The following NBAS variants were observed in gnomAD, a reference collection of about 807,000 sequenced individuals.
NBAS encodes the protein NBAS subunit of NRZ tethering complex, also known as NAG/BC035112 fusion.
NBAS carries 219 observed loss-of-function variants against 302.5 expected under a neutral mutation model. The observed-to-expected ratio is 0.72, with a 90% CI of 0.65 to 0.81. The LOEUF is 0.81. Among genes scored for constraint, NBAS ranks in the 30% least tolerant of loss-of-function variants. The pLI, the probability that NBAS is intolerant of heterozygous loss-of-function variation, is 0.00. For synonymous variants in NBAS, 1,118 were observed against 1,021.6 expected (o/e 1.09, Z -1.80); for missense variants, 2,932 against 2,841.6 (o/e 1.03, Z -0.72).
intron 35 of NBAS, among the ~76,000 whole-genome samples, chr2:15,338,710 C>CACACACACACACACACACAT (rs1454097551): frequency 6.7e-6 from 1 of 148,746 alleles, no homozygotes; most frequent in Non-Finnish European, 1.5e-5. Context: ...CACACACACA[C>CACACACACACACACACACAT]ATCAAATTAG....
chr2:15,258,569 G>A (rs910153541), intron 44 of NBAS, among the ~76,000 whole-genome samples: 23 of 152,184 alleles, frequency 1.5e-4, no homozygotes, highest in African/African-American at 5.1e-4. Context: ...TGTCCTACGC[G>A]GTTGAGATAA....
the NBAS span, among the ~76,000 whole-genome samples, chr2:14,885,460 T>C: frequency 6.6e-6 from 1 of 152,094 alleles, no homozygotes; most frequent in Admixed American, 6.5e-5. Context: ...GCATCAACAC[T>C]CCATTCTGAT....
intron 41 of NBAS, among the ~76,000 whole-genome samples, chr2:15,289,017 C>T (rs544166513): frequency 1.3e-5 from 2 of 152,306 alleles, no homozygotes; most frequent in Admixed American, 6.5e-5. Context: ...GAGACCAAGG[C>T]TGGATTGACT....
chr2:15,330,422 A>G (rs377471792), intron 36 of NBAS, among the ~76,000 whole-genome samples, 176 bp downstream of exon 36: 1 of 152,224 alleles, frequency 6.6e-6, no homozygotes. Flanking sequence ...CCATGGGAAT[A>G]TATTACATTC....
chr2:14,898,560 G>A, the NBAS span, among the ~76,000 whole-genome samples: 3,669 of 152,276 alleles, frequency 0.024, 147 homozygotes, highest in African/African-American at 0.084. Context: ...ATTCCCACAT[G>A]TTGTGGGAGG....
At chr2:14,959,180 C>A in the NBAS span, among the ~76,000 whole-genome samples, 2 of 152,158 alleles carry the variant, frequency 1.3e-5, no homozygotes, top group Non-Finnish European at 2.9e-5. Flanking sequence ...TGAAACTGTT[C>A]CCTCATCTGC....
At chr2:15,493,776 T>C (rs1425593043) in intron 11 of NBAS, among the ~76,000 whole-genome samples, 1 of 152,078 alleles carries the variant, frequency 6.6e-6, no homozygotes, top group Non-Finnish European at 1.5e-5. Flanking sequence ...TCTTCTTTAT[T>C]TGAATTAAGC....
chr2:15,261,659 A>G (rs980013101), intron 44 of NBAS, among the ~76,000 whole-genome samples: 1 of 152,188 alleles, frequency 6.6e-6, no homozygotes, highest in Admixed American at 6.5e-5. Context: ...GATACAAGCT[A>G]ATACATTCCT....
chr2:15,380,797 A>AT (rs1674997727), intron 29 of NBAS, among the ~76,000 whole-genome samples: 2 of 152,190 alleles, frequency 1.3e-5, no homozygotes, highest in Non-Finnish European at 2.9e-5. Flanking sequence ...GAAATAAGAG[A>AT]TTTTTAAAAA....
the NBAS span, among the ~76,000 whole-genome samples, chr2:14,867,611 G>A: frequency 6.6e-6 from 1 of 152,178 alleles, no homozygotes; most frequent in South Asian, 2.1e-4. Flanking sequence ...AAAAGTGGAT[G>A]AATGTAAGGA....
chr2:14,943,552 A>G, the NBAS span, among the ~76,000 whole-genome samples: 1 of 152,238 alleles, frequency 6.6e-6, no homozygotes, highest in Non-Finnish European at 1.5e-5. Context: ...TACATTATTA[A>G]TGCATCACCT....
rs1456226215 is a variant in NBAS at position 15,467,817 on chromosome 2, A to G, written c.1878-13T>C. ...AGGTAATGTAAATCTGCAAGTATAA[A>G]AGAACAAATATATTTTCATCATTTT... On this transcript the variant is annotated splice_polypyrimidine_tract_variant and intron_variant, in intron 17 of 51. Coordinates refer to ENST00000281513, the MANE Select transcript of NBAS (RefSeq NM_015909.4). 5 of 1,561,842 alleles carry G rather than the reference A, an allele frequency of 3.2e-6. No homozygotes were observed. The African/African-American group carries it at 6.8e-5, about 21-fold the overall frequency.
intron 21 of NBAS, among the ~76,000 whole-genome samples, chr2:15,438,598 A>C (rs1376291890): frequency 2.0e-5 from 3 of 152,250 alleles, no homozygotes; most frequent in Non-Finnish European, 4.4e-5. Flanking sequence ...AAGTGAGCCC[A>C]GCAGCGCCCT....
At chr2:14,993,389 G>A in the NBAS span, among the ~76,000 whole-genome samples, 1 of 152,082 alleles carries the variant, frequency 6.6e-6, no homozygotes, top group African/African-American at 2.4e-5. Context: ...AAAACCTGCT[G>A]ATTTACCTTT....
the NBAS span, among the ~76,000 whole-genome samples, chr2:14,901,443 A>ATT: frequency 4.6e-5 from 7 of 150,568 alleles, no homozygotes; most frequent in Non-Finnish European, 8.9e-5. Context: ...GTAATTTTAA[A>ATT]AAAAAAAATC....
the NBAS span, among the ~76,000 whole-genome samples, chr2:14,868,319 T>C: frequency 6.6e-6 from 1 of 152,238 alleles, no homozygotes; most frequent in Admixed American, 6.5e-5. Context: ...AGGTATTTCT[T>C]ATTATGTTTC....
chr2:14,804,047 A>C, the NBAS span, among the ~76,000 whole-genome samples: 1 of 152,204 alleles, frequency 6.6e-6, no homozygotes, highest in Non-Finnish European at 1.5e-5. Flanking sequence ...ATATAAAGTT[A>C]ATTCATGGAT....
chr2:14,806,517 C>T, the NBAS span, among the ~76,000 whole-genome samples: 5 of 152,154 alleles, frequency 3.3e-5, no homozygotes, highest in Non-Finnish European at 7.4e-5. Flanking sequence ...GCACTTTCTG[C>T]CACATACCTA....
chr2:15,364,798 A>T (rs142399978), intron 32 of NBAS, among the ~76,000 whole-genome samples: 1 of 152,266 alleles, frequency 6.6e-6, no homozygotes, highest in East Asian at 1.9e-4. Context: ...ATGAAATTTC[A>T]TAAAAGATGA....
Sources: allele counts gnomAD v4.1 joint callset (sites outside exome capture counted in the v4.1 genomes callset), GRCh38; gene constraint gnomAD v4.1.1; transcripts MANE v1.5; gene names NCBI Gene and HGNC (gene_info 2026-07-23, HGNC 2026-07-21).